The following CASZ1 variants were observed in gnomAD, a reference collection of about 807,000 sequenced individuals.
CASZ1 encodes castor zinc finger 1, also known as zinc finger protein castor homolog 1.
In CASZ1, 28 loss-of-function variants were observed where a neutral mutation model predicts 135.2. That is an observed-to-expected ratio of 0.21 (90% CI 0.15 to 0.28). The LOEUF is 0.28. Ranked by LOEUF, CASZ1 falls within the 10% of genes least tolerant of loss-of-function variation. The pLI, the probability that CASZ1 is intolerant of heterozygous loss-of-function variation, is 1.00. For synonymous variants in CASZ1, 1,068 were observed against 1,073.4 expected, an observed-to-expected ratio of 0.99 and a Z score of 0.10; for missense variants, 2,161 against 2,453.3, an observed-to-expected ratio of 0.88 and a Z score of 2.52.
rs1390175401 is a variant in CASZ1, at chr1:10,657,472, G to A, written c.1410-736C>T. On this transcript the variant is annotated intron_variant, in intron 7 of 20. Coordinates refer to ENST00000377022, the MANE Select transcript of CASZ1 (RefSeq NM_001079843.3). This position sits in a 1 kb window ranked among gnomAD's most constrained non-coding sequence, Gnocchi z 5.7. ...GAAGTGAGATTGCAGGAGACACAGA[G>A]AGAAACCCCATACTGTAATGGGAAA... is the stretch of plus-strand genomic sequence containing the variant. Among the ~76,000 whole-genome samples, 1 of 152,224 alleles carries A rather than the reference G, an allele frequency of 6.6e-6. No individual in the cohort carries two copies. Among genetic ancestry groups the A allele is most frequent in the African/African-American group, 2.4e-5 (1 of 41,470 alleles).
rs1326815549 is a variant in CASZ1, at chr1:10,740,958, G to GATAA, written c.-77+19742_-77+19743insTTAT. Among the ~76,000 whole-genome samples, 10 of 26,376 alleles carry GATAA rather than the reference G, an allele frequency of 3.8e-4. No individual in the cohort carries two copies. The East Asian group carries it at 0.088, about 231-fold the overall frequency. The allele number at this position is 26,376 out of a possible 152,430, so 17.3% of individuals were successfully genotyped here. On this transcript the variant is annotated intron_variant, in intron 2 of 20. Transcript: ENST00000377022. ...GGGCGACAGGGTGAGACCCTGTCTG[G>GATAA]ACAAAAAAAAAAAAAAAAAGAAAAA...
chr1:10,682,423 C>T (rs1442043632), intron 4 of CASZ1, among the ~76,000 whole-genome samples: 5 of 152,060 alleles, frequency 3.3e-5, no homozygotes, highest in Non-Finnish European at 1.5e-5. Flanking sequence ...CCTGGGGGCC[C>T]GGCGGAATCC....
In CASZ1 at chr1:10,647,497, C is replaced by T. The variant is rs1458691713; in HGVS notation, c.3497+304G>A. On this transcript the variant is annotated intron_variant, in intron 16 of 20. Transcript: ENST00000377022. The surrounding 1 kb of genome is among the most constrained non-coding windows in gnomAD (Gnocchi z 4.9). Reference sequence around the variant, plus strand: ...CCTCCTTGTCAGGCTGGGAGTTGTCCTCTGAGGACCACCACGCCCAGTCCA... The same window carrying T: ...CCTCCTTGTCAGGCTGGGAGTTGTCTTCTGAGGACCACCACGCCCAGTCCA... 3.1e-6 allele frequency: 4 copies of T among 1,291,638 alleles called. No individual in the cohort carries two copies. The highest frequency in any genetic ancestry group is 4.0e-6 in the Non-Finnish European group (4 of 1,011,290). The allele number at this position is 1,291,638 out of a possible 1,614,324, so 80.0% of individuals were successfully genotyped here.
intron 11 of CASZ1, chr1:10,653,167 G>T: frequency 1.6e-6 from 1 of 637,430 alleles, no homozygotes; most frequent in Non-Finnish European, 2.8e-6. Context: ...CAGAAGCATG[G>T]CCCCCCTACT....
In CASZ1 at chr1:10,657,253, C is replaced by T. The variant is rs1642834402; in HGVS notation, c.1410-517G>A. Reference sequence around the variant, plus strand: ...TTCCTACAGCAACGAGCTCACTCTCCAGCCGCCGCCGCCACCGCCAGGAAC... The same window carrying T: ...TTCCTACAGCAACGAGCTCACTCTCTAGCCGCCGCCGCCACCGCCAGGAAC... On this transcript the variant is annotated intron_variant, in intron 7 of 20. Transcript: ENST00000377022. The surrounding 1 kb of genome is among the most constrained non-coding windows in gnomAD (Gnocchi z 5.7). 6.6e-6 allele frequency among the ~76,000 whole-genome samples: 1 copy of T among 152,238 alleles called. No individual in the cohort carries two copies. The highest frequency in any genetic ancestry group is 2.4e-5 in the African/African-American group (1 of 41,460).
intron 1 of CASZ1, among the ~76,000 whole-genome samples, chr1:10,780,657 G>C (rs543554385): frequency 6.6e-6 from 1 of 152,122 alleles, no homozygotes; most frequent in Non-Finnish European, 1.5e-5. Context: ...TTAAGTTAGG[G>C]GTGCATTTTT....
At chr1:10,680,553 G>T (rs189975163) in intron 4 of CASZ1, among the ~76,000 whole-genome samples, 2 of 152,198 alleles carry the variant, frequency 1.3e-5, no homozygotes, top group Admixed American at 6.5e-5. Flanking sequence ...AGTGTTGCAC[G>T]CTCCAGCATT....
chr1:10,688,068 C>A (rs979735241), intron 4 of CASZ1, among the ~76,000 whole-genome samples: 1 of 152,192 alleles, frequency 6.6e-6, no homozygotes, highest in Admixed American at 6.5e-5. Flanking sequence ...AGGCGTGAGC[C>A]CCGGCCCGTA....
chr1:10,753,670 G>A (rs1380489781), intron 2 of CASZ1, among the ~76,000 whole-genome samples: 1 of 152,168 alleles, frequency 6.6e-6, no homozygotes, highest in Non-Finnish European at 1.5e-5. Flanking sequence ...GAAGGACCGG[G>A]GAAAGGAGGC....
chr1:10,751,112 C>T (rs963608162), intron 2 of CASZ1, among the ~76,000 whole-genome samples: 19 of 151,768 alleles, frequency 1.3e-4, no homozygotes, highest in African/African-American at 4.6e-4. Context: ...TATTGTGACT[C>T]TTTGAGTCTG....
At position 10,694,603 on chromosome 1, in the gene CASZ1, CCG is replaced by C. The variant is rs2100413942; in HGVS notation, c.-23-693_-23-692del. 1 of 142,132 alleles carries C rather than the reference CCG, an allele frequency of 7.0e-6. No homozygotes were observed. Among genetic ancestry groups the C allele is most frequent in the African/African-American group, 2.7e-5 (1 of 37,714 alleles). The allele number at this position is 142,132 out of a possible 1,614,324, so 8.8% of individuals were successfully genotyped here. On this transcript the variant is annotated intron_variant, in intron 3 of 20. Transcript: ENST00000377022. This position sits in a 1 kb window ranked among gnomAD's most constrained non-coding sequence, Gnocchi z 6.6. ...CGCGGCCCCGCCGCCGCCGCCGCCG[CCG>C]CCGCCGCCGCCGCCGCCCGGTGCGC...
chr1:10,786,222 A>T lies in CASZ1; in HGVS notation c.-234+10342T>A, dbSNP rs560547793. Among the ~76,000 whole-genome samples the T allele has an allele frequency of 1.1e-4, 17 of 151,096 alleles. No individual in the cohort carries two copies. The South Asian group carries it at 3.6e-3, about 32-fold the overall frequency. ...TCCCAAACAGCTCCCATGATGACCC[A>T]CCTCACCCCACCGAGCTCCAGGAAC... On this transcript the variant is annotated intron_variant, in intron 1 of 20. Coordinates refer to ENST00000377022, the MANE Select transcript of CASZ1 (RefSeq NM_001079843.3).
chr1:10,660,236 ACCTCCTTGCCCACCC>A lies in CASZ1; in HGVS notation c.791_805del (p.Arg264_Val269delinsLeu). On this transcript the variant is annotated inframe_deletion, in exon 6 of 21. Coordinates refer to ENST00000377022, the MANE Select transcript of CASZ1 (RefSeq NM_001079843.3). The stretch of plus-strand genomic sequence containing the variant: ...CCGCAGGCCGGGCAGGGTGCCCACC[ACCTCCTTGCCCACCC>A]GCTCCTCGGTCTTGGTGCTGGGGGC... The A allele has an allele frequency of 6.2e-7, 1 of 1,612,936 alleles. No homozygotes were observed. The highest frequency in any genetic ancestry group is 8.5e-7 in the Non-Finnish European group (1 of 1,179,756).
intron 2 of CASZ1, among the ~76,000 whole-genome samples, chr1:10,743,393 A>C (rs506203): frequency 0.3 from 42,991 of 144,582 alleles, 7,138 homozygotes; most frequent in East Asian, 0.8. Flanking sequence ...CCATCGGTTC[A>C]TGGGGAGAAA....
intron 4 of CASZ1, among the ~76,000 whole-genome samples, chr1:10,689,068 TAGA>T (rs1200469465): frequency 6.6e-6 from 1 of 152,010 alleles, no homozygotes; most frequent in Non-Finnish European, 1.5e-5. Flanking sequence ...AAGGCCGTGT[TAGA>T]AGGTGAGCCT....
intron 4 of CASZ1, among the ~76,000 whole-genome samples, chr1:10,685,402 T>C (rs564972019): frequency 5.3e-5 from 8 of 152,354 alleles, no homozygotes; most frequent in Admixed American, 2.0e-4. Context: ...CGGTAGCGTG[T>C]TCTATTTTTA....
Position 10,647,716 on chromosome 1 carries a change from G to T in CASZ1, c.3497+85C>A. The stretch of plus-strand genomic sequence containing the variant: ...GGACAGCAGCACCATCCGCAGTGAG[G>T]AACAGGGCCTCCTAGCGCCCTTGCT... On this transcript the variant is annotated intron_variant, in intron 16 of 20. Coordinates refer to ENST00000377022, the MANE Select transcript of CASZ1 (RefSeq NM_001079843.3). This position sits in a 1 kb window ranked among gnomAD's most constrained non-coding sequence, Gnocchi z 4.9. 6.3e-7 allele frequency: 1 copy of T among 1,588,806 alleles called. No individual in the cohort carries two copies. The highest frequency in any genetic ancestry group is 2.2e-5 in the East Asian group (1 of 44,614).
rs1640337940 is a variant in CASZ1, at chr1:10,759,930, C to T, written c.-77+771G>A. On this transcript the variant is annotated intron_variant, in intron 2 of 20. Transcript: ENST00000377022. The surrounding 1 kb of genome is among the most constrained non-coding windows in gnomAD (Gnocchi z 4.2). ...CTCTGGACTGGTTTCCTTGGGATCT[C>T]AAGAAAGTACTGAATAATGACCAGC... Among the ~76,000 whole-genome samples the T allele has an allele frequency of 6.6e-6, 1 of 152,180 alleles. No homozygotes were observed. The highest frequency in any genetic ancestry group is 1.5e-5 in the Non-Finnish European group (1 of 68,036).
rs1477830772 is a variant in CASZ1 at position 10,777,009 on chromosome 1, T to C, written c.-233-16152A>G. 2.6e-5 allele frequency among the ~76,000 whole-genome samples: 4 copies of C among 152,168 alleles called. No individual in the cohort carries two copies. The highest frequency in any genetic ancestry group is 4.4e-5 in the Non-Finnish European group (3 of 68,044). ...TGTCTGGAACCGGCCAGCCTCACCC[T>C]GAGCCAGTGGGGAAGATGACCGTGT... On this transcript the variant is annotated intron_variant, in intron 1 of 20. Coordinates refer to ENST00000377022, the MANE Select transcript of CASZ1 (RefSeq NM_001079843.3). This position sits in a 1 kb window ranked among gnomAD's most constrained non-coding sequence, Gnocchi z 4.4.
Sources: allele counts gnomAD v4.1 joint callset (sites outside exome capture counted in the v4.1 genomes callset), GRCh38; gene constraint gnomAD v4.1.1; non-coding constraint Gnocchi (gnomAD v3.1); transcripts MANE v1.5; gene names NCBI Gene and HGNC (gene_info 2026-07-23, HGNC 2026-07-21).